The following PPP4R2 variants were observed in gnomAD, a reference collection of about 807,000 sequenced individuals.
PPP4R2 encodes the protein protein phosphatase 4 regulatory subunit 2, also known as serine/threonine-protein phosphatase 4 regulatory subunit 2.
Under a neutral mutation model 47.2 loss-of-function variants are expected in PPP4R2, and 13 were observed. The ratio of observed to expected loss-of-function variants is 0.28; its 90% CI spans 0.18 to 0.44. The LOEUF (loss-of-function observed/expected upper bound fraction) is 0.44. PPP4R2 is among the 20% of genes least tolerant of loss of function. PPP4R2 has a pLI of 1.00. For missense variants in PPP4R2, 421 were observed against 491.2 expected (o/e 0.86, Z 1.35); for synonymous variants, 151 against 163.3 (o/e 0.92, Z 0.57).
chr3:73,004,859 GTGTGTGTGTGTT>G (rs1470857312), intron 2 of PPP4R2, among the ~76,000 whole-genome samples: 3 of 51,228 alleles, frequency 5.9e-5, no homozygotes, highest in Admixed American at 4.7e-4. Flanking sequence ...GTGTGTGTGT[GTGTGTGTGTGTT>G]TGTTTGTTTG....
intron 2 of PPP4R2, among the ~76,000 whole-genome samples, chr3:73,018,115 TTA>T (rs1244226893): frequency 6.6e-6 from 1 of 152,196 alleles, no homozygotes; most frequent in Non-Finnish European, 1.5e-5. Flanking sequence ...TCATTCCTAG[TTA>T]ATATATTTCT....
rs1703002489 is a variant in PPP4R2, at chr3:73,066,633, A to G, written c.*911A>G. On this transcript the variant is annotated 3_prime_UTR_variant, in exon 9 of 9. Coordinates refer to ENST00000356692, the MANE Select transcript of PPP4R2 (RefSeq NM_174907.4). ...ATATGAGACCATCTCAGAAGAACCAAGTAGGTTCCTTGACCTTTTGCTTGC... is the reference window on the plus strand; with the variant it reads ...ATATGAGACCATCTCAGAAGAACCAGGTAGGTTCCTTGACCTTTTGCTTGC... 6.6e-6 allele frequency: 1 copy of G among 152,100 alleles called. No individual in the cohort carries two copies. The highest frequency in any genetic ancestry group is 2.1e-4 in the South Asian group (1 of 4,838). The allele number at this position is 152,100 out of a possible 1,614,324, so 9.4% of individuals were successfully genotyped here. A position where few individuals can be genotyped will look rare whatever the true frequency, so the allele number is the denominator to read the frequency against.
chr3:73,036,515 T>G lies in PPP4R2; in HGVS notation c.117-10671T>G, dbSNP rs555795993. On this transcript the variant is annotated intron_variant, in intron 2 of 8. Coordinates refer to ENST00000356692, the MANE Select transcript of PPP4R2 (RefSeq NM_174907.4). ...TGTATCCCATAAATATGTATAATTATGTATCAGTACAAATTTCCAGTTTAT... is the reference window on the plus strand; with the variant it reads ...TGTATCCCATAAATATGTATAATTAGGTATCAGTACAAATTTCCAGTTTAT... 5.9e-5 allele frequency among the ~76,000 whole-genome samples: 9 copies of G among 152,374 alleles called. No individual in the cohort carries two copies. In the South Asian group the frequency reaches 1.7e-3, roughly 28 times the overall value.
intron 3 of PPP4R2, among the ~76,000 whole-genome samples, chr3:73,052,911 A>G (rs1166206099): frequency 3.3e-5 from 5 of 152,224 alleles, no homozygotes; most frequent in African/African-American, 4.8e-5. Flanking sequence ...AGTACTGCTC[A>G]TGATCTTTTA....
intron 2 of PPP4R2, among the ~76,000 whole-genome samples, chr3:73,044,663 A>T (rs888030051): frequency 2.0e-5 from 3 of 152,114 alleles, no homozygotes; most frequent in African/African-American, 7.2e-5. Context: ...AGCCAACCCT[A>T]ATGGGTGTAA....
intron 2 of PPP4R2, among the ~76,000 whole-genome samples, chr3:73,037,360 T>C (rs968433218): frequency 2.0e-5 from 3 of 152,260 alleles, no homozygotes; most frequent in African/African-American, 7.2e-5. Flanking sequence ...CCTCAAATTT[T>C]GTGACTTTGA....
rs1701774455 is a variant in PPP4R2, at chr3:73,013,911, G to A, written c.116+15753G>A. On this transcript the variant is annotated intron_variant, in intron 2 of 8. Coordinates refer to ENST00000356692, the MANE Select transcript of PPP4R2 (RefSeq NM_174907.4). ...CTGCCTTGGCCTCCCAAAATGCTGGGATTTCAGGCATGAACCACCGCGCCC... is the reference window on the plus strand; with the variant it reads ...CTGCCTTGGCCTCCCAAAATGCTGGAATTTCAGGCATGAACCACCGCGCCC... Among the ~76,000 whole-genome samples, 2 of 152,086 alleles carry A rather than the reference G, an allele frequency of 1.3e-5. 1 individual carries two copies.
At chr3:73,040,002 C>G (rs745814084) in intron 2 of PPP4R2, among the ~76,000 whole-genome samples, 1 of 152,054 alleles carries the variant, frequency 6.6e-6, no homozygotes, top group Non-Finnish European at 1.5e-5. Flanking sequence ...TGTAGTGAGC[C>G]GAGATCGCCA....
intron 3 of PPP4R2, among the ~76,000 whole-genome samples, chr3:73,051,917 G>A (rs948146867): frequency 3.3e-5 from 5 of 152,138 alleles, no homozygotes; most frequent in East Asian, 3.9e-4. Flanking sequence ...GAACCACTGC[G>A]CCCGGCCAAA....
chr3:73,046,151 T>A (rs1048293026), intron 2 of PPP4R2, among the ~76,000 whole-genome samples: 10 of 152,240 alleles, frequency 6.6e-5, no homozygotes, highest in Admixed American at 1.3e-4. Flanking sequence ...TGACTCTTGC[T>A]ACATGGATTA....
At chr3:73,017,416 A>G (rs914423426) in intron 2 of PPP4R2, among the ~76,000 whole-genome samples, 6 of 152,136 alleles carry the variant, frequency 3.9e-5, no homozygotes, top group Non-Finnish European at 8.8e-5. Flanking sequence ...TGATACACCA[A>G]CCAGTCTTCA....
At chr3:73,022,387 CAACA>C (rs1701978353) in intron 2 of PPP4R2, among the ~76,000 whole-genome samples, 2 of 151,926 alleles carry the variant, frequency 1.3e-5, no homozygotes, top group Admixed American at 6.6e-5. Context: ...TATAGAAGGT[CAACA>C]AACAATTATT....
chr3:73,051,490 T>G (rs1231942250), intron 3 of PPP4R2, among the ~76,000 whole-genome samples: 3 of 152,228 alleles, frequency 2.0e-5, no homozygotes, highest in Non-Finnish European at 4.4e-5. Context: ...TTTTGCTAAT[T>G]TTCTTACTGG....
At position 73,017,621 on chromosome 3, in the gene PPP4R2, ACT is replaced by A. The variant is rs531399647; in HGVS notation, c.116+19466_116+19467del. The stretch of plus-strand genomic sequence containing the variant: ...GAATTAAGTGTATGTTAAAGTGAGG[ACT>A]CTGTTCCTTATGTATGCATCATATA... On this transcript the variant is annotated intron_variant, in intron 2 of 8. Coordinates refer to ENST00000356692, the MANE Select transcript of PPP4R2 (RefSeq NM_174907.4). Among the ~76,000 whole-genome samples, 26 of 151,684 alleles carry A rather than the reference ACT, an allele frequency of 1.7e-4. 1 individual carries two copies. In the East Asian group the frequency reaches 5.0e-3, roughly 29 times the overall value.
chr3:73,030,583 T>A (rs747890633), intron 2 of PPP4R2, among the ~76,000 whole-genome samples: 3 of 151,434 alleles, frequency 2.0e-5, no homozygotes, highest in Non-Finnish European at 4.4e-5. Flanking sequence ...CTTCCCTATG[T>A]AGGCACAGAT....
intron 2 of PPP4R2, among the ~76,000 whole-genome samples, chr3:73,024,043 GC>G (rs1268637266): frequency 6.6e-6 from 1 of 151,882 alleles, no homozygotes; most frequent in Non-Finnish European, 1.5e-5. Context: ...AAGGTAAAAA[GC>G]TTATATTAAA....
intron 2 of PPP4R2, among the ~76,000 whole-genome samples, chr3:73,008,877 T>C (rs1701668388): frequency 6.6e-6 from 1 of 152,218 alleles, no homozygotes; most frequent in African/African-American, 2.4e-5. Flanking sequence ...GTTTGAATTC[T>C]GAATTTCATC....
intron 2 of PPP4R2, among the ~76,000 whole-genome samples, chr3:73,042,361 CTTTTTTTT>C (rs10709279): frequency 0.014 from 1,084 of 75,974 alleles, 17 homozygotes; most frequent in African/African-American, 0.047. Flanking sequence ...AATATAATTT[CTTTTTTTT>C]TTTTTTTTTT....
chr3:73,045,816 C>G (rs1702472977), intron 2 of PPP4R2, among the ~76,000 whole-genome samples: 1 of 152,144 alleles, frequency 6.6e-6, no homozygotes, highest in Non-Finnish European at 1.5e-5. Context: ...GTCTGCTAAT[C>G]TAAATAAGCT....
Sources: gnomAD v4.1 joint callset for allele counts (sites outside exome capture counted in the v4.1 genomes callset) on GRCh38, gnomAD v4.1.1 for gene constraint, MANE v1.5 for transcripts, NCBI Gene and HGNC (gene_info 2026-07-23, HGNC 2026-07-21) for gene names.